MCU: variants seen among roughly 807,000 people sequenced by gnomAD.
MCU encodes the protein mitochondrial calcium uniporter, also known as calcium uniporter protein, mitochondrial.
In MCU, 12 loss-of-function variants were observed where a neutral mutation model predicts 45.2. The ratio of observed to expected loss-of-function variants is 0.27; its 90% CI spans 0.17 to 0.43. MCU has a LOEUF of 0.43. Among genes scored for constraint, MCU ranks in the 20% least tolerant of loss-of-function variants. MCU has a pLI of 1.00. For missense variants in MCU, 324 were observed against 436.7 expected (o/e 0.74, Z 2.30); for synonymous variants, 160 against 165.1 (o/e 0.97, Z 0.24).
intron 1 of MCU, among the ~76,000 whole-genome samples, chr10:72,762,944 T>C (rs1445645785): frequency 6.6e-6 from 1 of 152,190 alleles, no homozygotes; most frequent in Non-Finnish European, 1.5e-5. Flanking sequence ...TGTTCCTTTC[T>C]GGACCTGTGA....
At chr10:72,816,150 G>A (rs751217143) in intron 1 of MCU, among the ~76,000 whole-genome samples, 2 of 152,054 alleles carry the variant, frequency 1.3e-5, no homozygotes, top group African/African-American at 2.4e-5. Context: ...CAGCCTGGGC[G>A]ACAGAGTGAG....
intron 2 of MCU, among the ~76,000 whole-genome samples, chr10:72,839,963 CAAAAAA>C (rs34053459): frequency 1.3e-5 from 1 of 76,314 alleles, no homozygotes; most frequent in South Asian, 5.1e-4. Context: ...GACTCCGTCT[CAAAAAA>C]AAAAAAAAAA....
At chr10:72,767,933 T>G (rs1459986183) in intron 1 of MCU, among the ~76,000 whole-genome samples, 1 of 152,180 alleles carries the variant, frequency 6.6e-6, no homozygotes, top group Non-Finnish European at 1.5e-5. Context: ...TGTTAGGCTC[T>G]TTTAATTTAG....
chr10:72,760,594 A>T (rs1276569521), intron 1 of MCU: 1 of 147,156 alleles, frequency 6.8e-6, no homozygotes, highest in East Asian at 2.1e-4. Context: ...CGGTGGCATG[A>T]TCTTGGCTCA....
chr10:72,861,689 G>A (rs1404342274), intron 4 of MCU: 1 of 372,388 alleles, frequency 2.7e-6, no homozygotes, highest in East Asian at 9.6e-5. Context: ...TAGAGATGGG[G>A]TTTTGCCATG....
intron 6 of MCU, among the ~76,000 whole-genome samples, chr10:72,877,649 A>T (rs772206962): frequency 1.3e-5 from 2 of 152,188 alleles, no homozygotes; most frequent in Non-Finnish European, 2.9e-5. Flanking sequence ...GAACTAACAA[A>T]ATAGCAAAAA....
At chr10:72,769,210 G>A (rs1443884405) in intron 1 of MCU, among the ~76,000 whole-genome samples, 4 of 152,060 alleles carry the variant, frequency 2.6e-5, no homozygotes, top group African/African-American at 9.7e-5. Context: ...TGAGCAACAT[G>A]ACTTTTATTT....
chr10:72,834,903 C>A (rs1253437064), intron 2 of MCU, among the ~76,000 whole-genome samples: 1 of 152,168 alleles, frequency 6.6e-6, no homozygotes, highest in African/African-American at 2.4e-5. Context: ...CCGCCCACCT[C>A]GGCCTCCCAA....
In MCU at chr10:72,887,458, T is replaced by C. The variant is rs1369975463; in HGVS notation, c.*1636T>C. ...CCTCATTTATTTTTGTTAAGTTGTG[T>C]GAATTATTTTTAACCCATTTATCCT... On this transcript the variant is annotated 3_prime_UTR_variant, in exon 8 of 8. Transcript: ENST00000373053. 2 of 152,774 alleles carry C rather than the reference T, an allele frequency of 1.3e-5. No homozygotes were observed. The highest frequency in any genetic ancestry group is 2.9e-5 in the Non-Finnish European group (2 of 68,034). 9.5% of individuals were successfully genotyped at this position (152,774 alleles called of 1,614,324 possible).
chr10:72,759,174 C>T (rs1843619452), intron 1 of MCU, among the ~76,000 whole-genome samples: 1 of 152,162 alleles, frequency 6.6e-6, no homozygotes, highest in Admixed American at 6.5e-5. Context: ...CGGCAAGACT[C>T]CTGTCTCGAG....
Position 72,830,621 on chromosome 10 carries a change from A to G in MCU, c.151-3738A>G, listed in dbSNP as rs527727555. Among the ~76,000 whole-genome samples, 481 of 152,374 alleles carry G rather than the reference A, an allele frequency of 3.2e-3. 2 individuals carry two copies. Among genetic ancestry groups the G allele is most frequent in the African/African-American group, 0.011 (462 of 41,594 alleles). Reference sequence around the variant, plus strand: ...TTTAAAAGTTACTACATAAACAAATAATGGCCCAGTAAAGGCAGCAGTTTC... The same window carrying G: ...TTTAAAAGTTACTACATAAACAAATGATGGCCCAGTAAAGGCAGCAGTTTC... On this transcript the variant is annotated intron_variant, in intron 1 of 7. Coordinates refer to ENST00000373053, the MANE Select transcript of MCU (RefSeq NM_138357.3).
At chr10:72,810,171 T>G (rs1844517801) in intron 1 of MCU, among the ~76,000 whole-genome samples, 1 of 152,068 alleles carries the variant, frequency 6.6e-6, no homozygotes, top group Non-Finnish European at 1.5e-5. Context: ...GGTATTCACC[T>G]TGCAAAGGAG....
intron 1 of MCU, among the ~76,000 whole-genome samples, chr10:72,831,321 C>T (rs191032097): frequency 1.3e-5 from 2 of 151,246 alleles, no homozygotes; most frequent in African/African-American, 4.9e-5. Context: ...TAGGTTAGAG[C>T]GAAAGGTAAA....
intron 2 of MCU, among the ~76,000 whole-genome samples, chr10:72,846,380 G>A (rs1004270797): frequency 6.6e-6 from 1 of 152,178 alleles, no homozygotes; most frequent in African/African-American, 2.4e-5. Context: ...ATTCTGAGTA[G>A]TGTGATGAAA....
intron 1 of MCU, among the ~76,000 whole-genome samples, chr10:72,728,618 T>C (rs949645846): frequency 1.3e-5 from 2 of 152,152 alleles, no homozygotes; most frequent in Non-Finnish European, 2.9e-5. Context: ...TATGGTCTTA[T>C]ACTTACAACA....
intron 4 of MCU, chr10:72,861,775 C>A: frequency 3.4e-6 from 1 of 297,458 alleles, no homozygotes; most frequent in South Asian, 2.6e-5. Context: ...GAGATTATAG[C>A]CGTGAGTCAC....
rs1204072398 is a variant in MCU, at chr10:72,856,768, TAAAAAAAA to T, written c.221-2390_221-2383del. On this transcript the variant is annotated intron_variant, in intron 2 of 7. Coordinates refer to ENST00000373053, the MANE Select transcript of MCU (RefSeq NM_138357.3). ...GGGCAACGTGGTGAAACCCTGTCTC[TAAAAAAAA>T]AAAAAAAAAAAAAAAAAATAGCCTG... is the stretch of plus-strand genomic sequence containing the variant. Among the ~76,000 whole-genome samples the T allele has an allele frequency of 7.7e-5, 5 of 64,950 alleles. 1 individual carries two copies. The highest frequency in any genetic ancestry group is 3.1e-4 in the African/African-American group (5 of 16,212). 42.6% of individuals were successfully genotyped at this position (64,950 alleles called of 152,430 possible).
intron 2 of MCU, among the ~76,000 whole-genome samples, chr10:72,837,307 A>G (rs572190986): frequency 1.3e-5 from 2 of 152,200 alleles, no homozygotes; most frequent in African/African-American, 4.8e-5. Flanking sequence ...TTTTATAGTG[A>G]TACAGATTCC....
chr10:72,716,725 A>AG lies in MCU; in HGVS notation c.150+24424_150+24425insG, dbSNP rs199787049. Among the ~76,000 whole-genome samples the AG allele has an allele frequency of 9.4e-4, 143 of 152,060 alleles. 1 individual carries two copies. In the East Asian group the frequency reaches 0.026, roughly 27 times the overall value. On this transcript the variant is annotated intron_variant, in intron 1 of 7. Transcript: ENST00000373053. ...ATAGTGAGGCCCCATTAAAAAAAAA[A>AG]AAAAATTAGTTGGGCATGCCCCTGT...
Sources: gnomAD v4.1 joint callset for allele counts (sites outside exome capture counted in the v4.1 genomes callset) on GRCh38, gnomAD v4.1.1 for gene constraint, MANE v1.5 for transcripts, NCBI Gene and HGNC (gene_info 2026-07-23, HGNC 2026-07-21) for gene names.